Variants in HMMR observed in about 807,000 individuals in gnomAD.
The protein encoded by HMMR is intracellular hyaluronic acid-binding protein.
A neutral mutation model predicts 101.0 loss-of-function variants in HMMR; 108 were observed. The ratio of observed to expected loss-of-function variants is 1.07; its 90% CI spans 0.92 to 1.25. HMMR has a LOEUF of 1.25. Among genes scored for constraint, HMMR ranks in the 50% most tolerant of loss-of-function variants. HMMR has a pLI of 0.00. For synonymous variants in HMMR, 296 were observed against 276.4 expected (o/e 1.07, Z -0.70); for missense variants, 813 against 788.7 (o/e 1.03, Z -0.37).
chr5:163,466,122 C>T (rs756818971), intron 3 of HMMR, among the ~76,000 whole-genome samples: 8 of 150,280 alleles, frequency 5.3e-5, no homozygotes, highest in Middle Eastern at 7.1e-3. Flanking sequence ...GAAAATTAGC[C>T]GTGTGTGGTG....
chr5:163,460,797 C>A (rs960230394), intron 1 of HMMR, 59 bp downstream of exon 1: 27 of 1,495,482 alleles, frequency 1.8e-5, no homozygotes, highest in African/African-American at 6.9e-5. Flanking sequence ...TTGCCTCTTT[C>A]AGCTCCCTTC....
intron 11 of HMMR, among the ~76,000 whole-genome samples, chr5:163,477,813 G>A (rs994866671): frequency 2.0e-5 from 3 of 152,064 alleles, no homozygotes; most frequent in African/African-American, 7.2e-5. Context: ...AAGCTTAAGA[G>A]AAAAACAAAC....
At chr5:163,473,629 G>A in intron 9 of HMMR, 72 bp downstream of exon 9, 1 of 885,860 alleles carries the variant, frequency 1.1e-6, no homozygotes. Flanking sequence ...ATACTACTAT[G>A]CTAAAACAAC....
intron 9 of HMMR, 60 bp from the exon 10 acceptor site, chr5:163,473,997 G>C: frequency 7.2e-7 from 1 of 1,381,572 alleles, no homozygotes; most frequent in South Asian, 1.3e-5. Flanking sequence ...GGGAGTCCAG[G>C]TTTCTCAGTC....
chr5:163,471,506 T>A, intron 7 of HMMR, 43 bp downstream of exon 7: 1 of 1,321,920 alleles, frequency 7.6e-7, no homozygotes, highest in Non-Finnish European at 1.1e-6. Context: ...GTGGAAGCAA[T>A]TCTTGATTTG....
At position 163,475,517 on chromosome 5, in the gene HMMR, G is replaced by A. The variant is rs1759039182; in HGVS notation, c.1113G>A (p.Glu371=). Residue 371 remains glutamate, a synonymous_variant, in exon 11 of 18, where the codon GAG becomes GAA. Coordinates refer to ENST00000393915, the MANE Select transcript of HMMR (RefSeq NM_001142556.2). Reference sequence around the variant, plus strand: ...CTTTTCAAGAGGAAATGGTTAAAGAGAAGAATCTGTTTGAGGAAGAATTAA... The same window carrying A: ...CTTTTCAAGAGGAAATGGTTAAAGAAAAGAATCTGTTTGAGGAAGAATTAA... ...LCSFQEEMVK[E]KNLFEEELKQ... is the part of the protein sequence containing the mutation. 3 of 1,609,872 alleles carry A rather than the reference G, an allele frequency of 1.9e-6. No homozygotes were observed. The highest frequency in any genetic ancestry group is 2.5e-6 in the Non-Finnish European group (3 of 1,176,898).
At position 163,491,138 on chromosome 5, in the gene HMMR, A is replaced by G. The variant is rs766685070; in HGVS notation, c.2152A>G (p.Met718Val). ...EGNTNCYRAPMECQESWK is the reference protein window; with the variant it reads ...EGNTNCYRAPVECQESWK The stretch of plus-strand genomic sequence containing the variant: ...CAATACAAACTGTTACCGAGCTCCT[A>G]TGGAGTGTCAAGAATCATGGAAGTA... The change falls in exon 18 of 18, where the codon ATG (methionine) becomes GTG (valine). Residue 718 changes from methionine to valine, a missense_variant. Met to Val is a conservative substitution (Grantham distance 21, BLOSUM62 1). Transcript: ENST00000393915. 7 of 1,573,126 alleles carry G rather than the reference A, an allele frequency of 4.4e-6. No homozygotes were observed. Among genetic ancestry groups the G allele is most frequent in the Admixed American group, 1.8e-5 (1 of 55,002 alleles).
At chr5:163,486,131 C>T (rs1365128682) in intron 16 of HMMR, among the ~76,000 whole-genome samples, 1 of 152,182 alleles carries the variant, frequency 6.6e-6, no homozygotes, top group Non-Finnish European at 1.5e-5. Flanking sequence ...GGACCTCTTG[C>T]AATTCTATAT....
chr5:163,465,639 C>T (rs1373388103), intron 3 of HMMR, among the ~76,000 whole-genome samples: 1 of 152,110 alleles, frequency 6.6e-6, no homozygotes, highest in African/African-American at 2.4e-5. Flanking sequence ...TTGTCCACCA[C>T]ACCCAGCCGC....
intron 1 of HMMR, among the ~76,000 whole-genome samples, chr5:163,461,360 C>G (rs976465549): frequency 3.3e-5 from 5 of 152,152 alleles, no homozygotes; most frequent in African/African-American, 9.7e-5. Flanking sequence ...AAGACTGAGA[C>G]TTAAATTTGC....
In HMMR at chr5:163,465,757, A is replaced by G. The variant is rs566642434; in HGVS notation, c.225+955A>G. Among the ~76,000 whole-genome samples, 3 of 152,086 alleles carry G rather than the reference A, an allele frequency of 2.0e-5. No individual in the cohort carries two copies. In the South Asian group the frequency reaches 6.3e-4, roughly 32 times the overall value. ...TGGATCACTTGAGGTCAGGAGTTTGAGACCAGCCTGGCCAACATGTAGTCA... is the reference window on the plus strand; with the variant it reads ...TGGATCACTTGAGGTCAGGAGTTTGGGACCAGCCTGGCCAACATGTAGTCA... On this transcript the variant is annotated intron_variant, in intron 3 of 17. Coordinates refer to ENST00000393915, the MANE Select transcript of HMMR (RefSeq NM_001142556.2).
At chr5:163,467,919 CG>C (rs1758753620) in intron 4 of HMMR, among the ~76,000 whole-genome samples, 171 bp downstream of exon 4, 1 of 152,106 alleles carries the variant, frequency 6.6e-6, no homozygotes, top group African/African-American at 2.4e-5. Context: ...CAGATCTATC[CG>C]GGCTATGTTA....
At chr5:163,464,422 C>G (rs1758635561) in intron 2 of HMMR, among the ~76,000 whole-genome samples, 1 of 152,106 alleles carries the variant, frequency 6.6e-6, no homozygotes, top group South Asian at 2.1e-4. Context: ...TCGAGACAAG[C>G]CTGGCCAACA....
chr5:163,486,851 G>A (rs568048413), intron 16 of HMMR, among the ~76,000 whole-genome samples: 11 of 152,232 alleles, frequency 7.2e-5, no homozygotes, highest in Non-Finnish European at 1.6e-4. Flanking sequence ...GGCCAAGGCA[G>A]GTGGATCACC....
In HMMR at chr5:163,472,180, GT is replaced by G. The variant is rs1269093864; in HGVS notation, c.650+721del. ...AGACATGGGCCACTATACCTGGCCA[GT>G]TTTGCCTTTTTTTAGGACATGCAAA... On this transcript the variant is annotated intron_variant, in intron 7 of 17. Transcript: ENST00000393915. 7.2e-5 allele frequency among the ~76,000 whole-genome samples: 11 copies of G among 151,982 alleles called. 1 individual carries two copies. Among genetic ancestry groups the G allele is most frequent in the Admixed American group, 6.6e-4 (10 of 15,254 alleles).
At chr5:163,462,353 ACT>A (rs932403003) in intron 1 of HMMR, among the ~76,000 whole-genome samples, 3 of 149,426 alleles carry the variant, frequency 2.0e-5, no homozygotes, top group Non-Finnish European at 4.4e-5. Flanking sequence ...ACAGTGCGAG[ACT>A]CTGTTTCAAA....
rs1223832727 is a variant in HMMR at position 163,491,353 on chromosome 5, C to G, written c.*189C>G. The G allele has an allele frequency of 4.1e-6, 2 of 484,802 alleles. No individual in the cohort carries two copies. Among genetic ancestry groups the G allele is most frequent in the Non-Finnish European group, 7.2e-6 (2 of 277,140 alleles). 30.0% of individuals were successfully genotyped at this position (484,802 alleles called of 1,614,324 possible). On this transcript the variant is annotated 3_prime_UTR_variant, in exon 18 of 18. Coordinates refer to ENST00000393915, the MANE Select transcript of HMMR (RefSeq NM_001142556.2). ...TATTTTTTCTTGCAAATACCTCCTC[C>G]CTAATGCTCACCTTTATCACCTCAT...
intron 15 of HMMR, among the ~76,000 whole-genome samples, chr5:163,483,853 T>A (rs1000751940): frequency 1.3e-5 from 2 of 152,154 alleles, no homozygotes; most frequent in African/African-American, 4.8e-5. Flanking sequence ...GCTGGCTTTT[T>A]TACCTTGTTT....
At chr5:163,477,310 A>G (rs1221178348) in intron 11 of HMMR, among the ~76,000 whole-genome samples, 2 of 152,166 alleles carry the variant, frequency 1.3e-5, no homozygotes, top group African/African-American at 4.8e-5. Flanking sequence ...AAATATTTAA[A>G]TCCTTGGGAT....
Sources: allele counts gnomAD v4.1 joint callset (sites outside exome capture counted in the v4.1 genomes callset), GRCh38; gene constraint gnomAD v4.1.1; transcripts MANE v1.5; gene names NCBI Gene and HGNC (gene_info 2026-07-23, HGNC 2026-07-21).